Variants in CTNNA3 observed in about 807,000 individuals in gnomAD.
CTNNA3 encodes the protein catenin alpha 3.
CTNNA3 carries 76 observed loss-of-function variants against 95.7 expected under a neutral mutation model. The ratio of observed to expected loss-of-function variants is 0.79; its 90% CI spans 0.66 to 0.96. The LOEUF is 0.96. Among genes scored for constraint, CTNNA3 ranks in the 40% least tolerant of loss-of-function variants. CTNNA3 has a pLI of 0.00. For missense variants in CTNNA3, 1,191 were observed against 1,089.8 expected (o/e 1.09, Z -1.31); for synonymous variants, 431 against 374.4 (o/e 1.15, Z -1.74).
chr10:67,653,604 CATTCCTTTT>C (rs1233668679), intron 1 of CTNNA3, among the ~76,000 whole-genome samples: 1 of 152,138 alleles, frequency 6.6e-6, no homozygotes, highest in Admixed American at 6.5e-5. Flanking sequence ...TAATTTATCA[CATTCCTTTT>C]ATGTCATATA....
chr10:66,301,299 A>G (rs1564850444), intron 12 of CTNNA3, among the ~76,000 whole-genome samples: 3 of 152,060 alleles, frequency 2.0e-5, no homozygotes, highest in Non-Finnish European at 4.4e-5. Context: ...GTGGAAGCAG[A>G]GTGAATACTT....
At chr10:67,344,016 G>A (rs1333860898) in intron 5 of CTNNA3, among the ~76,000 whole-genome samples, 1 of 150,174 alleles carries the variant, frequency 6.7e-6, no homozygotes, top group Non-Finnish European at 1.5e-5. Flanking sequence ...TCTATACCCA[G>A]GTTTTTTAGG....
intron 7 of CTNNA3, among the ~76,000 whole-genome samples, chr10:66,920,218 G>A (rs530134348): frequency 6.6e-6 from 1 of 152,272 alleles, no homozygotes; most frequent in African/African-American, 2.4e-5. Context: ...ATTGTACAAT[G>A]TACTTACTCA....
At chr10:66,043,320 T>A (rs558005805) in intron 15 of CTNNA3, among the ~76,000 whole-genome samples, 132 of 152,272 alleles carry the variant, frequency 8.7e-4, no homozygotes, top group African/African-American at 2.8e-3. Flanking sequence ...TTTGAAATAA[T>A]GGATGCACAT....
At chr10:66,517,285 C>G (rs1343147450) in intron 11 of CTNNA3, among the ~76,000 whole-genome samples, 1 of 151,984 alleles carries the variant, frequency 6.6e-6, no homozygotes, top group Non-Finnish European at 1.5e-5. Context: ...CAGAACAACT[C>G]CATCTTGAAT....
intron 10 of CTNNA3, among the ~76,000 whole-genome samples, chr10:66,536,301 G>A (rs1564518482): frequency 6.6e-6 from 1 of 151,994 alleles, no homozygotes; most frequent in East Asian, 1.9e-4. Flanking sequence ...GGCCAACATG[G>A]CGAAACTCCA....
chr10:67,537,436 A>G (rs1271738481), intron 4 of CTNNA3, among the ~76,000 whole-genome samples: 1 of 152,188 alleles, frequency 6.6e-6, no homozygotes. Flanking sequence ...GCACATTATA[A>G]AAACCCAGCA....
intron 7 of CTNNA3, among the ~76,000 whole-genome samples, chr10:67,131,487 T>C (rs905673717): frequency 3.3e-5 from 5 of 152,104 alleles, no homozygotes; most frequent in African/African-American, 4.8e-5. Context: ...TTTTATCAGG[T>C]ACTATGTGGC....
At chr10:66,348,397 G>A (rs996453913) in intron 12 of CTNNA3, among the ~76,000 whole-genome samples, 2 of 152,018 alleles carry the variant, frequency 1.3e-5, no homozygotes, top group African/African-American at 2.4e-5. Context: ...TTCCTCATCT[G>A]TACAATGCAT....
At chr10:66,740,306 T>C (rs979447548) in intron 9 of CTNNA3, among the ~76,000 whole-genome samples, 2 of 152,158 alleles carry the variant, frequency 1.3e-5, no homozygotes, top group African/African-American at 4.8e-5. Flanking sequence ...TGAATGACGA[T>C]GCAAAATATA....
intron 13 of CTNNA3, among the ~76,000 whole-genome samples, chr10:66,188,436 T>TC (rs1020952098): frequency 3.9e-5 from 6 of 152,182 alleles, no homozygotes; most frequent in African/African-American, 1.2e-4. Flanking sequence ...CTTTCTTGTT[T>TC]TTTTTTTTAA....
At chr10:66,205,194 A>G (rs1474385115) in intron 13 of CTNNA3, among the ~76,000 whole-genome samples, 5 of 152,034 alleles carry the variant, frequency 3.3e-5, no homozygotes, top group Admixed American at 2.6e-4. Context: ...TTTAATTTCT[A>G]TAGTACAGTA....
At chr10:66,715,281 T>G (rs10997347) in intron 9 of CTNNA3, among the ~76,000 whole-genome samples, 4,947 of 152,132 alleles carry the variant, frequency 0.033, 215 homozygotes, top group East Asian at 0.22. Flanking sequence ...GGAAAAAATA[T>G]AAAGGGCACT....
At chr10:66,215,198 C>T (rs2131961901) in intron 13 of CTNNA3, among the ~76,000 whole-genome samples, 1 of 152,188 alleles carries the variant, frequency 6.6e-6, no homozygotes, top group African/African-American at 2.4e-5. Context: ...ACACTGGATG[C>T]CACCAGGAGG....
At chr10:66,252,767 T>A (rs914462182) in intron 13 of CTNNA3, among the ~76,000 whole-genome samples, 1 of 152,212 alleles carries the variant, frequency 6.6e-6, no homozygotes, top group Non-Finnish European at 1.5e-5. Flanking sequence ...TGGTGAATAA[T>A]TTGAAAAGGA....
At chr10:65,958,590 T>C (rs183365610) in intron 17 of CTNNA3, among the ~76,000 whole-genome samples, 2 of 152,274 alleles carry the variant, frequency 1.3e-5, no homozygotes, top group African/African-American at 4.8e-5. Flanking sequence ...GTCCTTTCTG[T>C]TTGTTAGTTT....
At position 66,469,013 on chromosome 10, in the gene CTNNA3, A is replaced by C. The variant is rs529485473; in HGVS notation, c.1531+51604T>G. Among the ~76,000 whole-genome samples, 11 of 152,054 alleles carry C rather than the reference A, an allele frequency of 7.2e-5. No homozygotes were observed. In the South Asian group the frequency reaches 2.3e-3, roughly 32 times the overall value. Reference sequence around the variant, plus strand: ...AAATAAAACAGTAAAAAAGAAATATAAATGAAAGGAGAGTCAATAAAAACC... The same window carrying C: ...AAATAAAACAGTAAAAAAGAAATATCAATGAAAGGAGAGTCAATAAAAACC... On this transcript the variant is annotated intron_variant, in intron 11 of 17. Transcript: ENST00000433211.
chr10:65,939,583 T>C (rs1232042847), intron 17 of CTNNA3, among the ~76,000 whole-genome samples: 1 of 152,176 alleles, frequency 6.6e-6, no homozygotes, highest in Non-Finnish European at 1.5e-5. Context: ...CTCCTATCCT[T>C]GACACTTTCT....
intron 12 of CTNNA3, among the ~76,000 whole-genome samples, chr10:66,356,865 T>A (rs375644586): frequency 6.6e-6 from 1 of 152,110 alleles, no homozygotes; most frequent in Non-Finnish European, 1.5e-5. Flanking sequence ...TTTGATATAA[T>A]CATTTGATTT....
Sources: allele counts gnomAD v4.1 joint callset (sites outside exome capture counted in the v4.1 genomes callset), GRCh38; gene constraint gnomAD v4.1.1; transcripts MANE v1.5; gene names NCBI Gene and HGNC (gene_info 2026-07-23, HGNC 2026-07-21).